The following NPL variants were observed in gnomAD, a reference collection of about 807,000 sequenced individuals.
NPL encodes the protein N-acetylneuraminate pyruvate lyase.
NPL carries 32 observed loss-of-function variants against 41.1 expected under a neutral mutation model. The observed-to-expected ratio is 0.78, with a 90% confidence interval of 0.59 to 1.05. The LOEUF is 1.05. NPL is among the 50% of genes least tolerant of loss of function. The pLI, the probability that NPL is intolerant of heterozygous loss-of-function variation, is 0.00. For missense variants in NPL, 321 were observed against 378.4 expected, an observed-to-expected ratio of 0.85 and a Z score of 1.26; for synonymous variants, 128 against 134.9, an observed-to-expected ratio of 0.95 and a Z score of 0.35.
chr1:182,803,577 T>A (rs1266303450), intron 3 of NPL, 121 bp from the exon 4 acceptor site: 1 of 734,970 alleles, frequency 1.4e-6, no homozygotes, highest in African/African-American at 1.7e-5. Context: ...GCTAAGAATT[T>A]CACAAATTGA....
At chr1:182,807,890 C>CA (rs61314915) in intron 5 of NPL, among the ~76,000 whole-genome samples, 6,868 of 55,910 alleles carry the variant, frequency 0.12, 528 homozygotes, top group African/African-American at 0.23. Flanking sequence ...GACTCCATCT[C>CA]AAAAAAAAAA....
intron 2 of NPL, among the ~76,000 whole-genome samples, 170 bp downstream of exon 2, chr1:182,792,456 C>T (rs1210284648): frequency 1.3e-5 from 2 of 152,172 alleles, no homozygotes; most frequent in Admixed American, 1.3e-4. Flanking sequence ...CATCAATCTC[C>T]TTTGATACTT....
intron 12 of NPL, chr1:182,826,045 T>C: frequency 1.7e-6 from 1 of 592,982 alleles, no homozygotes; most frequent in East Asian, 2.8e-5. Flanking sequence ...GCCTACCCCA[T>C]TTTCCATTCT....
chr1:182,796,196 A>G lies in NPL; in HGVS notation c.68+1757A>G, dbSNP rs72727035. On this transcript the variant is annotated intron_variant, in intron 3 of 12. Transcript: ENST00000367553. ...AAAAAAAAAAAAAAAAGAATGCATT[A>G]TGTGTAGGCTCTTTAAGAAATAAAT... Among the ~76,000 whole-genome samples the G allele has an allele frequency of 8.2e-3, 1,186 of 143,996 alleles. 11 individuals are homozygous for G. Among genetic ancestry groups the G allele is most frequent in the Middle Eastern group, 0.018 (5 of 272 alleles). 94.5% of individuals were successfully genotyped at this position (143,996 alleles called of 152,430 possible). A position where few individuals can be genotyped will look rare whatever the true frequency, so the allele number is the denominator to read the frequency against.
chr1:182,824,573 G>A (rs140599274), intron 11 of NPL, among the ~76,000 whole-genome samples: 4,477 of 152,212 alleles, frequency 0.029, 88 homozygotes, highest in Middle Eastern at 0.054. Flanking sequence ...TGAGGTGGGC[G>A]GATCATGAGG....
chr1:182,825,495 AT>A (rs1440329681), intron 11 of NPL, among the ~76,000 whole-genome samples: 6 of 152,214 alleles, frequency 3.9e-5, no homozygotes, highest in Non-Finnish European at 8.8e-5. Context: ...TGTAAGCCAG[AT>A]GGATAAGGGG....
intron 6 of NPL, among the ~76,000 whole-genome samples, chr1:182,813,464 T>TA (rs1667236136): frequency 6.6e-6 from 1 of 152,246 alleles, no homozygotes; most frequent in East Asian, 1.9e-4. Flanking sequence ...TTATTCCTCT[T>TA]ACATTTGATT....
intron 2 of NPL, among the ~76,000 whole-genome samples, chr1:182,792,533 G>C (rs1666544378): frequency 6.6e-6 from 1 of 151,990 alleles, no homozygotes; most frequent in Non-Finnish European, 1.5e-5. Context: ...TAAGTGGCCT[G>C]CTTATTGTAC....
At chr1:182,823,969 A>G (rs990849869) in intron 11 of NPL, among the ~76,000 whole-genome samples, 2 of 152,258 alleles carry the variant, frequency 1.3e-5, no homozygotes, top group African/African-American at 4.8e-5. Context: ...TTATTTACTC[A>G]GTACATAATT....
At chr1:182,805,865 G>A (rs1190768009) in intron 4 of NPL, among the ~76,000 whole-genome samples, 1 of 152,162 alleles carries the variant, frequency 6.6e-6, no homozygotes, top group African/African-American at 2.4e-5. Flanking sequence ...GGAGATTGAC[G>A]TAAAATGTGG....
intron 2 of NPL, among the ~76,000 whole-genome samples, chr1:182,793,971 G>A (rs1052939986): frequency 1.3e-5 from 2 of 152,130 alleles, no homozygotes; most frequent in African/African-American, 4.8e-5. Flanking sequence ...TGGTATACAC[G>A]AAGGTCCTGG....
In NPL at chr1:182,829,106, C is replaced by T; in HGVS notation, c.*198C>T. 1 of 1,398,112 alleles carries T rather than the reference C, an allele frequency of 7.2e-7. No individual in the cohort carries two copies. Among genetic ancestry groups the T allele is most frequent in the Non-Finnish European group, 9.2e-7 (1 of 1,081,566 alleles). The allele number at this position is 1,398,112 out of a possible 1,614,324, so 86.6% of individuals were successfully genotyped here. ...GGCAAAAACTCTAGGAGTCACAACT[C>T]TCAGTCATTCATTTCACAGATTTTT... is the stretch of plus-strand genomic sequence containing the variant. On this transcript the variant is annotated 3_prime_UTR_variant, in exon 13 of 13. Transcript: ENST00000367553.
Position 182,829,406 on chromosome 1 carries a change from C to A in NPL, c.*498C>A, listed in dbSNP as rs1400760577. 1.4e-6 allele frequency: 2 copies of A among 1,384,844 alleles called. No individual in the cohort carries two copies. Among genetic ancestry groups the A allele is most frequent in the Admixed American group, 6.1e-5 (2 of 32,964 alleles). The allele number at this position is 1,384,844 out of a possible 1,614,324, so 85.8% of individuals were successfully genotyped here. On this transcript the variant is annotated 3_prime_UTR_variant, in exon 13 of 13. Coordinates refer to ENST00000367553, the MANE Select transcript of NPL (RefSeq NM_030769.3). Reference sequence around the variant, plus strand: ...GTATACAACTCAAAATACACCAGCTCATTTGGCTGCTCAGTCTAACTCTAG... The same window carrying A: ...GTATACAACTCAAAATACACCAGCTAATTTGGCTGCTCAGTCTAACTCTAG...
chr1:182,829,324 T>C lies in NPL; in HGVS notation c.*416T>C, dbSNP rs1667709184. The C allele has an allele frequency of 3.3e-6, 4 of 1,218,764 alleles. No homozygotes were observed. Among genetic ancestry groups the C allele is most frequent in the Admixed American group, 8.2e-5 (2 of 24,304 alleles). The allele number at this position is 1,218,764 out of a possible 1,614,324, so 75.5% of individuals were successfully genotyped here. Reference sequence around the variant, plus strand: ...ATATTCATTTGGAATCTAGGAAAACTCTGAGCTACTGCATTTAGGCAGGCA... The same window carrying C: ...ATATTCATTTGGAATCTAGGAAAACCCTGAGCTACTGCATTTAGGCAGGCA... On this transcript the variant is annotated 3_prime_UTR_variant, in exon 13 of 13. Coordinates refer to ENST00000367553, the MANE Select transcript of NPL (RefSeq NM_030769.3).
At position 182,793,213 on chromosome 1, in the gene NPL, CT is replaced by C. The variant is rs377576693; in HGVS notation, c.-17+928del. Among the ~76,000 whole-genome samples the C allele has an allele frequency of 3.4e-3, 514 of 152,312 alleles. 2 individuals carry two copies. The highest frequency in any genetic ancestry group is 0.012 in the African/African-American group (480 of 41,550). ...TATAGCTCAAAAAACAATAATGCTT[CT>C]AGAACTAGCAAATGTCAGAGCTGTG... On this transcript the variant is annotated intron_variant, in intron 2 of 12. Coordinates refer to ENST00000367553, the MANE Select transcript of NPL (RefSeq NM_030769.3).
In NPL at chr1:182,829,495, G is replaced by T; in HGVS notation, c.*587G>T. 6.7e-7 allele frequency: 1 copy of T among 1,494,808 alleles called. No homozygotes were observed. Among genetic ancestry groups the T allele is most frequent in the Non-Finnish European group, 8.9e-7 (1 of 1,119,274 alleles). The allele number at this position is 1,494,808 out of a possible 1,614,324, so 92.6% of individuals were successfully genotyped here. ...TCGCTCTTTAAAAACACTGGGTCAG[G>T]TGAGGACTTGTTTCAGTTCCTATAA... On this transcript the variant is annotated 3_prime_UTR_variant, in exon 13 of 13. Coordinates refer to ENST00000367553, the MANE Select transcript of NPL (RefSeq NM_030769.3).
chr1:182,825,965 GCC>G, intron 12 of NPL, 145 bp downstream of exon 12: 1 of 766,298 alleles, frequency 1.3e-6, no homozygotes, highest in Non-Finnish European at 2.3e-6. Flanking sequence ...AACCCTCGGG[GCC>G]AACCATATAA....
At chr1:182,825,676 GA>G in intron 11 of NPL, 104 bp from the exon 12 acceptor site, 2 of 799,528 alleles carry the variant, frequency 2.5e-6, no homozygotes, top group Non-Finnish European at 2.2e-6. Flanking sequence ...TTCAGTAAAT[GA>G]AGGTGTGCAG....
intron 3 of NPL, chr1:182,795,726 C>G (rs1181566103): frequency 6.6e-6 from 1 of 152,126 alleles, no homozygotes; most frequent in African/African-American, 2.4e-5. Flanking sequence ...CCCCTTTCCA[C>G]AAGTTTTAAG....
Sources: gnomAD v4.1 joint callset for allele counts (sites outside exome capture counted in the v4.1 genomes callset) on GRCh38, gnomAD v4.1.1 for gene constraint, MANE v1.5 for transcripts, NCBI Gene and HGNC (gene_info 2026-07-23, HGNC 2026-07-21) for gene names.